The following IMMP2L variants were observed in gnomAD, a reference collection of about 807,000 sequenced individuals.
IMMP2L encodes mitochondrial inner membrane protease subunit 2.
Under a neutral mutation model 19.3 loss-of-function variants are expected in IMMP2L, and 18 were observed. The ratio of observed to expected loss-of-function variants is 0.93; its 90% confidence interval spans 0.64 to 1.38. IMMP2L has a LOEUF of 1.38. Ranked by LOEUF, IMMP2L falls within the 40% of genes most tolerant of loss-of-function variation. The pLI, the probability that IMMP2L is intolerant of heterozygous loss-of-function variation, is 0.00. For missense variants in IMMP2L, 233 were observed against 218.2 expected (o/e 1.07, Z -0.43); for synonymous variants, 76 against 73.0 (o/e 1.04, Z -0.21).
chr7:110,812,580 T>C (rs1180416990), intron 5 of IMMP2L, among the ~76,000 whole-genome samples: 1 of 152,068 alleles, frequency 6.6e-6, no homozygotes, highest in African/African-American at 2.4e-5. Context: ...TTGGTTCTAA[T>C]GAAACCAGGC....
At chr7:111,109,448 G>C (rs1215198252) in intron 3 of IMMP2L, among the ~76,000 whole-genome samples, 1 of 152,094 alleles carries the variant, frequency 6.6e-6, no homozygotes, top group Non-Finnish European at 1.5e-5. Flanking sequence ...CAGTGAGTAA[G>C]ACATAGGTCT....
intron 3 of IMMP2L, among the ~76,000 whole-genome samples, chr7:110,980,121 T>C (rs111864939): frequency 1.2e-4 from 15 of 126,188 alleles, no homozygotes; most frequent in African/African-American, 3.7e-4. Flanking sequence ...TCTATACCTC[T>C]AGCACTGTCT....
intron 3 of IMMP2L, among the ~76,000 whole-genome samples, chr7:111,084,013 C>T (rs1796098158): frequency 6.6e-6 from 1 of 151,998 alleles, no homozygotes; most frequent in Non-Finnish European, 1.5e-5. Flanking sequence ...GCTTGCTAAA[C>T]ACAAGTGTGA....
chr7:111,424,981 C>T (rs898904098), intron 3 of IMMP2L, among the ~76,000 whole-genome samples: 3 of 151,830 alleles, frequency 2.0e-5, no homozygotes, highest in South Asian at 4.1e-4. Flanking sequence ...TTCTGACATT[C>T]CTCTAAATCC....
chr7:110,998,985 CA>C (rs1053780401), intron 3 of IMMP2L, among the ~76,000 whole-genome samples: 5 of 152,130 alleles, frequency 3.3e-5, no homozygotes, highest in African/African-American at 9.7e-5. Flanking sequence ...TTCAGTCTGT[CA>C]TTTTTTGGAG....
intron 1 of IMMP2L, among the ~76,000 whole-genome samples, chr7:111,526,009 G>A (rs1024409026): frequency 6.2e-5 from 9 of 144,482 alleles, no homozygotes; most frequent in African/African-American, 2.3e-4. Context: ...AATGGCATTT[G>A]AGGCAAGACC....
intron 5 of IMMP2L, among the ~76,000 whole-genome samples, chr7:110,884,768 T>C (rs1810041125): frequency 6.6e-6 from 1 of 152,112 alleles, no homozygotes; most frequent in Non-Finnish European, 1.5e-5. Flanking sequence ...ACCTTTAGTA[T>C]ACCTTACAAA....
intron 3 of IMMP2L, among the ~76,000 whole-genome samples, chr7:111,178,558 G>A (rs760675764): frequency 6.6e-6 from 1 of 152,054 alleles, no homozygotes. Context: ...TTTTGAAATT[G>A]AAGTCAATCC....
intron 2 of IMMP2L, among the ~76,000 whole-genome samples, chr7:111,503,198 C>G (rs574689717): frequency 1.3e-5 from 2 of 152,068 alleles, no homozygotes; most frequent in African/African-American, 2.4e-5. Context: ...AACACCTCTA[C>G]GCAAATAACT....
intron 5 of IMMP2L, among the ~76,000 whole-genome samples, chr7:110,850,803 A>C (rs1323213097): frequency 1.3e-5 from 2 of 152,056 alleles, no homozygotes; most frequent in African/African-American, 2.4e-5. Context: ...TGACAAAAGT[A>C]ATATAAAAGA....
chr7:111,406,632 G>C (rs1833921353), intron 3 of IMMP2L, among the ~76,000 whole-genome samples: 1 of 151,934 alleles, frequency 6.6e-6, no homozygotes, highest in Admixed American at 6.6e-5. Context: ...GTCTGGAAAA[G>C]TTTCCCCCAA....
intron 3 of IMMP2L, among the ~76,000 whole-genome samples, chr7:110,981,256 A>G (rs1821265082): frequency 6.6e-6 from 1 of 152,082 alleles, no homozygotes; most frequent in Admixed American, 6.5e-5. Context: ...AAAGACAATT[A>G]TCTGAAAATA....
At chr7:110,701,379 A>G (rs550770284) in intron 5 of IMMP2L, among the ~76,000 whole-genome samples, 7 of 152,274 alleles carry the variant, frequency 4.6e-5, no homozygotes, top group African/African-American at 9.6e-5. Flanking sequence ...TGCTTTACAT[A>G]TATTATCTCA....
chr7:110,919,421 A>C (rs1046148991), intron 4 of IMMP2L, among the ~76,000 whole-genome samples: 51 of 152,232 alleles, frequency 3.4e-4, no homozygotes, highest in African/African-American at 1.2e-3. Context: ...GAGCAGAATC[A>C]GCAAATTATA....
At chr7:111,319,079 G>A (rs921306971) in intron 3 of IMMP2L, among the ~76,000 whole-genome samples, 1 of 152,066 alleles carries the variant, frequency 6.6e-6, no homozygotes, top group Non-Finnish European at 1.5e-5. Context: ...CTTAATGTAA[G>A]GCTAAGTAAG....
chr7:110,817,225 C>T (rs955394458), intron 5 of IMMP2L, among the ~76,000 whole-genome samples: 1 of 152,084 alleles, frequency 6.6e-6, no homozygotes, highest in African/African-American at 2.4e-5. Flanking sequence ...ATTGTCTCAG[C>T]CCAAAATCTC....
Position 110,939,846 on chromosome 7 carries a change from T to C in IMMP2L, c.305+23654A>G, listed in dbSNP as rs78063564. 9.7e-4 allele frequency among the ~76,000 whole-genome samples: 148 copies of C among 152,244 alleles called. 2 individuals carry two copies. The East Asian group carries it at 0.014, about 14-fold the overall frequency. ...GCTTACACAGAAAAGACTGTTGAAG[T>C]TCTGACACAGCAAAAGAAGGGAACC... On this transcript the variant is annotated intron_variant, in intron 4 of 5. Coordinates refer to ENST00000405709, the MANE Select transcript of IMMP2L (RefSeq NM_032549.4).
intron 3 of IMMP2L, among the ~76,000 whole-genome samples, chr7:111,270,057 C>CTGTGTGTGTGTGTG (rs58848663): frequency 7.1e-6 from 1 of 140,522 alleles, no homozygotes; most frequent in African/African-American, 2.6e-5. Context: ...GCATGTGTGT[C>CTGTGTGTGTGTGTG]TGTGTGTGTG....
chr7:111,442,696 A>C (rs1434549012), intron 3 of IMMP2L, among the ~76,000 whole-genome samples: 1 of 152,014 alleles, frequency 6.6e-6, no homozygotes, highest in East Asian at 1.9e-4. Context: ...ATAAACTAGT[A>C]CTGGATGCAG....
Sources: gnomAD v4.1 joint callset for allele counts (sites outside exome capture counted in the v4.1 genomes callset) on GRCh38, gnomAD v4.1.1 for gene constraint, MANE v1.5 for transcripts, NCBI Gene and HGNC (gene_info 2026-07-23, HGNC 2026-07-21) for gene names.